JARID2: variants seen among roughly 807,000 people sequenced by gnomAD.
The protein encoded by JARID2 is protein Jumonji.
Under a neutral mutation model 125.6 loss-of-function variants are expected in JARID2, and 21 were observed. That is an observed-to-expected ratio of 0.17 (90% CI 0.12 to 0.24). The LOEUF (loss-of-function observed/expected upper bound fraction) is 0.24, where lower values mean the gene tolerates loss of function less well. JARID2 is among the 10% of genes least tolerant of loss of function. The probability of loss-of-function intolerance (pLI) is 1.00; values close to 1 mark genes in which losing one functional copy is unlikely to be tolerated. For missense variants in JARID2, 1,303 were observed against 1,639.6 expected (o/e 0.79, Z 3.55); for synonymous variants, 736 against 661.6 (o/e 1.11, Z -1.73).
At chr6:15,477,354 C>G (rs148567861) in intron 5 of JARID2, among the ~76,000 whole-genome samples, 1 of 151,832 alleles carries the variant, frequency 6.6e-6, no homozygotes, top group Non-Finnish European at 1.5e-5. Context: ...TCAGTGGGGA[C>G]AGACACTCTG....
chr6:15,257,257 A>G (rs1759701069), intron 1 of JARID2, among the ~76,000 whole-genome samples: 1 of 152,220 alleles, frequency 6.6e-6, no homozygotes, highest in South Asian at 2.1e-4. Context: ...AGCCAATAGC[A>G]TTTTACTGTT....
intron 3 of JARID2, among the ~76,000 whole-genome samples, chr6:15,450,000 CATT>C (rs1272492459): frequency 2.6e-5 from 4 of 151,674 alleles, no homozygotes; most frequent in East Asian, 1.9e-4. Flanking sequence ...AGTAGGCAAT[CATT>C]GTGTATTTTC....
In JARID2 at chr6:15,496,371, C is replaced by T. The variant is rs752327419; in HGVS notation, c.1146C>T (p.Ser382=). 2 of 1,614,162 alleles carry T rather than the reference C, an allele frequency of 1.2e-6. No homozygotes were observed. Among genetic ancestry groups the T allele is most frequent in the Middle Eastern group, 1.6e-4 (1 of 6,062 alleles). The change falls in exon 7 of 18, where the codon AGC becomes AGT. Residue 382 remains serine, a synonymous_variant. Coordinates refer to ENST00000341776, the MANE Select transcript of JARID2 (RefSeq NM_004973.4). ...CAATCTCAGGGAAAACTGAAAGTAG[C>T]AATGCAAAAACCCGCAAACAGGTGC... The part of the protein sequence containing the change: ...NHTISGKTES[S]NAKTRKQVLS...
At chr6:15,286,730 C>T (rs908052689) in intron 1 of JARID2, among the ~76,000 whole-genome samples, 2 of 151,770 alleles carry the variant, frequency 1.3e-5, no homozygotes, top group African/African-American at 4.8e-5. Context: ...GGTGTGGTGG[C>T]AGGCGCCTGT....
intron 1 of JARID2, among the ~76,000 whole-genome samples, chr6:15,259,342 A>C (rs1759786398): frequency 6.6e-6 from 1 of 152,194 alleles, no homozygotes. Context: ...TTGATGTTGG[A>C]GGATGAAAGA....
At position 15,513,026 on chromosome 6, in the gene JARID2, G is replaced by T. The variant is rs1233830978; in HGVS notation, c.3247G>T (p.Ala1083Ser). Residue 1083 changes from alanine to serine, a missense_variant, in exon 15 of 18, where the codon GCC (alanine) becomes TCC (serine). By Grantham distance (99) the Ala-to-Ser change is moderately conservative (BLOSUM62 1). Coordinates refer to ENST00000341776, the MANE Select transcript of JARID2 (RefSeq NM_004973.4). ...ENGPTLSTIS[A>S]LLDELRDTEL... is the part of the protein sequence containing the mutation. ...CGGTCCCACTCTCAGTACCATCTCA[G>T]CCCTCCTGGATGAGCTCAGGTAACA... is the stretch of plus-strand genomic sequence containing the variant. 1 of 1,614,000 alleles carries T rather than the reference G, an allele frequency of 6.2e-7. No homozygotes were observed. Among genetic ancestry groups the T allele is most frequent in the African/African-American group, 1.3e-5 (1 of 74,934 alleles).
At chr6:15,256,128 C>T (rs1561749698) in intron 1 of JARID2, among the ~76,000 whole-genome samples, 1 of 152,218 alleles carries the variant, frequency 6.6e-6, no homozygotes, top group East Asian at 1.9e-4. Context: ...CACAAATGCT[C>T]AAGGTATTAT....
At chr6:15,420,618 A>G (rs1195948761) in intron 3 of JARID2, among the ~76,000 whole-genome samples, 5 of 152,152 alleles carry the variant, frequency 3.3e-5, no homozygotes. Flanking sequence ...CATGTCTGGT[A>G]GCTTTTTATT....
At chr6:15,509,947 A>AT (rs1428136678) in intron 12 of JARID2, among the ~76,000 whole-genome samples, 2 of 152,222 alleles carry the variant, frequency 1.3e-5, no homozygotes, top group African/African-American at 4.8e-5. Context: ...GAAACCCTGT[A>AT]TTTAAATTAC....
intron 12 of JARID2, among the ~76,000 whole-genome samples, chr6:15,510,258 C>G (rs757908885): frequency 4.9e-4 from 75 of 152,114 alleles, no homozygotes; most frequent in Non-Finnish European, 2.4e-4. Flanking sequence ...CCTCCTCTTG[C>G]CTGGGGAGGA....
intron 1 of JARID2, among the ~76,000 whole-genome samples, chr6:15,305,266 C>A (rs1398979151): frequency 3.3e-5 from 5 of 152,156 alleles, no homozygotes; most frequent in Non-Finnish European, 5.9e-5. Flanking sequence ...TGCACACTGT[C>A]CCTCCTTTAT....
intron 1 of JARID2, among the ~76,000 whole-genome samples, chr6:15,293,725 C>T (rs913205255): frequency 2.6e-5 from 4 of 152,158 alleles, no homozygotes; most frequent in African/African-American, 4.8e-5. Context: ...CAGCCTGTGC[C>T]GGATTTCTCA....
chr6:15,511,196 C>T, intron 12 of JARID2, 100 bp from the exon 13 acceptor site: 1 of 743,772 alleles, frequency 1.3e-6, no homozygotes. Flanking sequence ...AGCAGAGCCT[C>T]TCGTGTGCTC....
At chr6:15,488,667 T>C (rs914508873) in intron 6 of JARID2, among the ~76,000 whole-genome samples, 1 of 152,138 alleles carries the variant, frequency 6.6e-6, no homozygotes, top group African/African-American at 2.4e-5. Context: ...TCTCTGAACG[T>C]GAACATGTGA....
chr6:15,321,526 G>A (rs1426100960), intron 1 of JARID2, among the ~76,000 whole-genome samples: 2 of 152,154 alleles, frequency 1.3e-5, no homozygotes, highest in African/African-American at 4.8e-5. Flanking sequence ...GTGGGTGGCA[G>A]TGAAATCAAG....
At chr6:15,260,198 G>T (rs1220776750) in intron 1 of JARID2, among the ~76,000 whole-genome samples, 2 of 152,158 alleles carry the variant, frequency 1.3e-5, no homozygotes, top group African/African-American at 4.8e-5. Flanking sequence ...CACAGTGCAG[G>T]GGGCCAGGGA....
chr6:15,312,333 G>A (rs1228322013), intron 1 of JARID2, among the ~76,000 whole-genome samples: 2 of 152,198 alleles, frequency 1.3e-5, no homozygotes, highest in African/African-American at 2.4e-5. Context: ...GGTTACAGGC[G>A]TGAGCCACCA....
At chr6:15,279,383 C>T (rs1187906871) in intron 1 of JARID2, among the ~76,000 whole-genome samples, 3 of 152,058 alleles carry the variant, frequency 2.0e-5, no homozygotes, top group South Asian at 2.1e-4. Context: ...ATTTTGTTGG[C>T]GGTGGGTAAG....
intron 1 of JARID2, among the ~76,000 whole-genome samples, chr6:15,307,042 C>T (rs1287169699): frequency 6.6e-6 from 1 of 151,112 alleles, no homozygotes; most frequent in Non-Finnish European, 1.5e-5. Flanking sequence ...GAGTTTGAAA[C>T]CAACCTGGCC....
Sources: allele counts gnomAD v4.1 joint callset (sites outside exome capture counted in the v4.1 genomes callset), GRCh38; gene constraint gnomAD v4.1.1; transcripts MANE v1.5; gene names NCBI Gene and HGNC (gene_info 2026-07-23, HGNC 2026-07-21).